MSI2: variants seen among roughly 807,000 people sequenced by gnomAD.
The protein encoded by MSI2 is musashi RNA binding protein 2.
Under a neutral mutation model 45.6 loss-of-function variants are expected in MSI2, and 17 were observed. That is an observed-to-expected ratio of 0.37 (90% CI 0.26 to 0.56). MSI2 has a LOEUF of 0.56. Ranked by LOEUF, MSI2 falls within the 20% of genes least tolerant of loss-of-function variation. The pLI is 0.77. For missense variants in MSI2, 293 were observed against 444.2 expected (o/e 0.66, Z 3.06); for synonymous variants, 156 against 158.2 (o/e 0.99, Z 0.11).
At chr17:57,348,463 G>C (rs1424133732) in intron 5 of MSI2, among the ~76,000 whole-genome samples, 2 of 152,144 alleles carry the variant, frequency 1.3e-5, no homozygotes, top group Non-Finnish European at 2.9e-5. Context: ...TGGATCAAGG[G>C]GGCAGATCCC....
In MSI2 at chr17:57,639,468, G is replaced by A. The variant is rs142424337; in HGVS notation, c.727+12165G>A. ...ACTCTTCTCAAACCCAGGGAATCCC[G>A]GACACATGCTTTGTGAGCCGGGGAT... On this transcript the variant is annotated intron_variant, in intron 10 of 13. Transcript: ENST00000284073. Among the ~76,000 whole-genome samples, 28 of 152,332 alleles carry A rather than the reference G, an allele frequency of 1.8e-4. No homozygotes were observed. The East Asian group carries it at 2.5e-3, about 14-fold the overall frequency.
intron 6 of MSI2, among the ~76,000 whole-genome samples, chr17:57,467,438 G>C (rs571021961): frequency 1.2e-4 from 19 of 152,192 alleles, no homozygotes; most frequent in African/African-American, 4.6e-4. Context: ...CGAATGAAAG[G>C]AATGGCAGAT....
chr17:57,405,020 G>A (rs1342147980), intron 6 of MSI2, among the ~76,000 whole-genome samples: 1 of 152,022 alleles, frequency 6.6e-6, no homozygotes, highest in Non-Finnish European at 1.5e-5. Flanking sequence ...GAGCTACCCA[G>A]GGGTGAAGAT....
intron 7 of MSI2, among the ~76,000 whole-genome samples, chr17:57,582,787 A>G (rs2088239092): frequency 1.3e-5 from 2 of 152,154 alleles, no homozygotes; most frequent in African/African-American, 4.8e-5. Context: ...TTTTTAACAA[A>G]TGGGTTCAAA....
At position 57,529,636 on chromosome 17, in the gene MSI2, A is replaced by G. The variant is rs1477603500; in HGVS notation, c.406-40A>G. 6.2e-7 allele frequency: 1 copy of G among 1,605,422 alleles called. No homozygotes were observed. Among genetic ancestry groups the G allele is most frequent in the African/African-American group, 1.3e-5 (1 of 74,662 alleles). ...ATATAATGTTTTGTGTACTTTCTTA[A>G]AATTCCTAAGGCAGCCTGTATTCTA... is the stretch of plus-strand genomic sequence containing the variant. On this transcript the variant is annotated intron_variant, in intron 6 of 13. Coordinates refer to ENST00000284073, the MANE Select transcript of MSI2 (RefSeq NM_138962.4). This position sits in a 1 kb window ranked among gnomAD's most constrained non-coding sequence, Gnocchi z 5.3.
At chr17:57,312,240 G>A (rs1912461302) in intron 5 of MSI2, among the ~76,000 whole-genome samples, 1 of 152,230 alleles carries the variant, frequency 6.6e-6, no homozygotes, top group Admixed American at 6.5e-5. Context: ...ATAGTTTCTT[G>A]ATGCCTGAAG....
At chr17:57,500,574 G>A (rs757470741) in intron 6 of MSI2, among the ~76,000 whole-genome samples, 6 of 151,736 alleles carry the variant, frequency 4.0e-5, no homozygotes, top group African/African-American at 9.7e-5. Context: ...AGGGCCATCC[G>A]GGTCTGTAGG....
chr17:57,424,075 G>A (rs1023317686), intron 6 of MSI2, among the ~76,000 whole-genome samples: 1 of 152,164 alleles, frequency 6.6e-6, no homozygotes, highest in Non-Finnish European at 1.5e-5. Context: ...CTGGTTGTGT[G>A]GAGGGCTGGT....
the MSI2 span, among the ~76,000 whole-genome samples, chr17:57,699,263 G>A: frequency 7.1e-6 from 1 of 141,344 alleles, no homozygotes; most frequent in Non-Finnish European, 1.5e-5. Context: ...TGACCCTAAT[G>A]AGGAAGAGCC....
chr17:57,645,178 C>T (rs930952653), intron 10 of MSI2, among the ~76,000 whole-genome samples: 2 of 152,128 alleles, frequency 1.3e-5, no homozygotes, highest in African/African-American at 2.4e-5. Context: ...GACCCGGCTC[C>T]CACCCGATTC....
chr17:57,380,524 G>C (rs1219846919), intron 5 of MSI2, among the ~76,000 whole-genome samples: 1 of 152,186 alleles, frequency 6.6e-6, no homozygotes, highest in African/African-American at 2.4e-5. Context: ...GAGTGAAGCG[G>C]GGGCAAGCTG....
intron 5 of MSI2, among the ~76,000 whole-genome samples, chr17:57,348,002 C>G (rs957000791): frequency 2.6e-5 from 4 of 152,218 alleles, no homozygotes; most frequent in Non-Finnish European, 4.4e-5. Context: ...CAGTTGTGTG[C>G]ACGGTGCCCT....
chr17:57,414,661 A>G (rs2084260855), intron 6 of MSI2, among the ~76,000 whole-genome samples: 1 of 152,150 alleles, frequency 6.6e-6, no homozygotes, highest in Admixed American at 6.5e-5. Flanking sequence ...TGGCCTCCCA[A>G]AATGCTGGGA....
intron 6 of MSI2, among the ~76,000 whole-genome samples, chr17:57,502,602 G>GATATATATATAGATAT (rs1555614731): frequency 3.7e-5 from 2 of 54,416 alleles, no homozygotes. Context: ...ATGACTCTGA[G>GATATATATATAGATAT]ATATATATAT....
In MSI2 at chr17:57,579,569, C is replaced by G. The variant is rs1009060961; in HGVS notation, c.455-17299C>G. On this transcript the variant is annotated intron_variant, in intron 7 of 13. Transcript: ENST00000284073. ...CAGTCACCTCTCAGTTAATCTCCAG[C>G]CCTCTTTGTCCCCATTTGGTCAATG... 3.9e-5 allele frequency among the ~76,000 whole-genome samples: 6 copies of G among 152,344 alleles called. No homozygotes were observed. The South Asian group carries it at 6.2e-4, about 16-fold the overall frequency.
intron 7 of MSI2, among the ~76,000 whole-genome samples, chr17:57,546,438 T>C (rs1171097103): frequency 1.3e-5 from 2 of 152,234 alleles, no homozygotes; most frequent in Non-Finnish European, 2.9e-5. Context: ...TTAATGATGA[T>C]TTCCTGGGTA....
rs3744087 is a variant in MSI2 at position 57,531,435 on chromosome 17, C to A, written c.454+1711C>A. On this transcript the variant is annotated intron_variant, in intron 7 of 13. Transcript: ENST00000284073. ...AATAACCAAGGCTCAGAGGAGGCAA[C>A]TGAGAGACCCATGGCTGAGCAGGGT... Among the ~76,000 whole-genome samples the A allele has an allele frequency of 2.9e-3, 439 of 152,330 alleles. 4 individuals carry two copies. The South Asian group carries it at 0.035, about 12-fold the overall frequency.
At chr17:57,522,109 G>C (rs539204429) in intron 6 of MSI2, 1 of 152,294 alleles carries the variant, frequency 6.6e-6, no homozygotes, top group East Asian at 1.9e-4. Context: ...GGCAGCGGCT[G>C]TCTCCACCAC....
chr17:57,654,017 A>G (rs1166506987), intron 11 of MSI2, among the ~76,000 whole-genome samples: 1 of 150,314 alleles, frequency 6.7e-6, no homozygotes, highest in Non-Finnish European at 1.5e-5. Flanking sequence ...AGCCCATTCT[A>G]GGTCAGCCAT....
Sources: allele counts gnomAD v4.1 joint callset (sites outside exome capture counted in the v4.1 genomes callset), GRCh38; gene constraint gnomAD v4.1.1; non-coding constraint Gnocchi (gnomAD v3.1); transcripts MANE v1.5; gene names NCBI Gene and HGNC (gene_info 2026-07-23, HGNC 2026-07-21).